ABHD12: variants seen among roughly 807,000 people sequenced by gnomAD.
The protein encoded by ABHD12 is lysophosphatidylserine lipase ABHD12.
Under a neutral mutation model 58.3 loss-of-function variants are expected in ABHD12, and 43 were observed. The observed-to-expected ratio is 0.74, with a 90% CI of 0.58 to 0.95. The LOEUF (loss-of-function observed/expected upper bound fraction) is 0.95. ABHD12 is among the 40% of genes least tolerant of loss of function. ABHD12 has a pLI of 0.00. For missense variants in ABHD12, 539 were observed against 537.2 expected, an observed-to-expected ratio of 1.00 and a Z score of -0.03; for synonymous variants, 219 against 211.2, an observed-to-expected ratio of 1.04 and a Z score of -0.32.
intron 4 of ABHD12, among the ~76,000 whole-genome samples, chr20:25,319,829 G>T (rs2089032775): frequency 6.6e-6 from 1 of 152,190 alleles, no homozygotes; most frequent in Admixed American, 6.5e-5. Flanking sequence ...TGCCCCTCTG[G>T]CTGGGGAGCT....
chr20:25,356,474 G>A (rs997156056), intron 1 of ABHD12, among the ~76,000 whole-genome samples: 1 of 152,258 alleles, frequency 6.6e-6, no homozygotes, highest in Non-Finnish European at 1.5e-5. Flanking sequence ...GGACTGGGAG[G>A]TGTGGGCCTT....
chr20:25,345,290 TTA>T (rs1255649384), intron 1 of ABHD12, among the ~76,000 whole-genome samples: 1 of 152,160 alleles, frequency 6.6e-6, no homozygotes, highest in Non-Finnish European at 1.5e-5. Context: ...TTTCACCGTG[TTA>T]GCTAGGATGG....
At chr20:25,376,507 C>A (rs920983440) in intron 1 of ABHD12, among the ~76,000 whole-genome samples, 1 of 152,162 alleles carries the variant, frequency 6.6e-6, no homozygotes, top group African/African-American at 2.4e-5. Flanking sequence ...ACTGGGTATC[C>A]TACTGTGAGA....
At chr20:25,387,558 C>T (rs891921711) in intron 1 of ABHD12, among the ~76,000 whole-genome samples, 1 of 127,584 alleles carries the variant, frequency 7.8e-6, no homozygotes, top group African/African-American at 3.1e-5. Flanking sequence ...CAAGACCAGC[C>T]TGGGGGCAAC....
At chr20:25,327,403 A>G (rs2089194636) in intron 2 of ABHD12, among the ~76,000 whole-genome samples, 1 of 151,326 alleles carries the variant, frequency 6.6e-6, no homozygotes, top group Non-Finnish European at 1.5e-5. Flanking sequence ...GGAGTCAGAG[A>G]TTGCAGTGAG....
chr20:25,384,466 C>T (rs567280872), intron 1 of ABHD12, among the ~76,000 whole-genome samples: 4 of 151,864 alleles, frequency 2.6e-5, no homozygotes, highest in South Asian at 2.1e-4. Flanking sequence ...AACAAAAGGC[C>T]GGGTGCACTG....
chr20:25,302,314 G>A lies in ABHD12; in HGVS notation c.1062C>T (p.Phe354=). 1.2e-6 allele frequency: 2 copies of A among 1,613,744 alleles called. No homozygotes were observed. Among genetic ancestry groups the A allele is most frequent in the Non-Finnish European group, 1.7e-6 (2 of 1,179,994 alleles). The change falls in exon 12 of 13, where the codon TTC becomes TTT. Residue 354 remains phenylalanine, a synonymous_variant. Coordinates refer to ENST00000339157, the MANE Select transcript of ABHD12 (RefSeq NM_001042472.3). ...GCACAAACTGAACTTTGAAATCTCG[G>A]AAGCTTCGAGCTGGTGCGGCGATGC... ...LYSIAAPARS[F]RDFKVQFVPF...
chr20:25,308,121 G>T, intron 8 of ABHD12, 76 bp from the exon 9 acceptor site: 1 of 1,077,542 alleles, frequency 9.3e-7, no homozygotes, highest in Non-Finnish European at 1.4e-6. Context: ...GCTCTGAGGG[G>T]CCCCCAGAAA....
downstream of ABHD12, chr20:25,296,330 C>A: frequency 1.2e-6 from 2 of 1,611,674 alleles, no homozygotes; most frequent in Non-Finnish European, 1.7e-6. Flanking sequence ...AGCCCCAAGC[C>A]CTGTGACGCC....
At chr20:25,300,100 A>G (rs966725974), downstream of ABHD12, 1 of 768,222 alleles carries the variant, frequency 1.3e-6, no homozygotes, top group Non-Finnish European at 1.6e-6. Context: ...AAAATTTCAT[A>G]GTCTGAGGCT....
At chr20:25,325,836 C>T (rs1018017767) in intron 2 of ABHD12, among the ~76,000 whole-genome samples, 3 of 151,806 alleles carry the variant, frequency 2.0e-5, no homozygotes, top group African/African-American at 2.4e-5. Flanking sequence ...TTTGGGAGGC[C>T]GAGGCAGGTG....
chr20:25,369,927 TAAA>T (rs3032443), intron 1 of ABHD12, among the ~76,000 whole-genome samples: 1,159 of 91,416 alleles, frequency 0.013, 16 homozygotes, highest in African/African-American at 0.046. Context: ...GTCTCTGTTA[TAAA>T]AAAAAAAAAA....
At chr20:25,294,882 G>A in exon 13 of ABHD12, 1 of 1,428,666 alleles carries the variant, frequency 7.0e-7, no homozygotes, top group African/African-American at 1.4e-5. Flanking sequence ...CGAGGGCTGG[G>A]AATTCACCTG....
At chr20:25,390,339 G>T (rs918440437) in intron 1 of ABHD12, among the ~76,000 whole-genome samples, 174 bp downstream of exon 1, 1 of 152,142 alleles carries the variant, frequency 6.6e-6, no homozygotes, top group Non-Finnish European at 1.5e-5. Flanking sequence ...AAGGGAGCGG[G>T]GGTGGGGCTG....
At chr20:25,302,907 G>A (rs767092961) in intron 11 of ABHD12, among the ~76,000 whole-genome samples, 3 of 152,172 alleles carry the variant, frequency 2.0e-5, no homozygotes, top group South Asian at 4.1e-4. Flanking sequence ...ATCCGTGGAC[G>A]AGGCCTGCAC....
chr20:25,344,040 G>T (rs1015375708), intron 1 of ABHD12, among the ~76,000 whole-genome samples: 49 of 152,192 alleles, frequency 3.2e-4, no homozygotes, highest in African/African-American at 9.9e-4. Flanking sequence ...ATAAATAGAT[G>T]CACAAAAAGC....
intron 2 of ABHD12, among the ~76,000 whole-genome samples, chr20:25,335,858 G>T (rs997402421): frequency 6.7e-6 from 1 of 148,632 alleles, no homozygotes; most frequent in African/African-American, 2.5e-5. Context: ...CCTAATGCTA[G>T]ATGACGAGTT....
At chr20:25,348,474 C>T (rs531706500) in intron 1 of ABHD12, among the ~76,000 whole-genome samples, 138 of 145,206 alleles carry the variant, frequency 9.5e-4, no homozygotes, top group African/African-American at 3.3e-3. Context: ...AAAACAAATG[C>T]GCTGGGTGTG....
intron 3 of ABHD12, among the ~76,000 whole-genome samples, chr20:25,322,608 C>G (rs1327062574): frequency 6.6e-6 from 1 of 151,414 alleles, no homozygotes; most frequent in Non-Finnish European, 1.5e-5. Flanking sequence ...TGGTCTCGAA[C>G]TCCTGATCTC....
Sources: gnomAD v4.1 joint callset for allele counts (sites outside exome capture counted in the v4.1 genomes callset) on GRCh38, gnomAD v4.1.1 for gene constraint, MANE v1.5 for transcripts, NCBI Gene and HGNC (gene_info 2026-07-23, HGNC 2026-07-21) for gene names.